Variants in ATOSA observed in about 807,000 individuals in gnomAD.
The protein encoded by ATOSA is atos homolog A.
chr15:52,619,471 C>A, the ATOSA span, among the ~76,000 whole-genome samples: 1 of 151,244 alleles, frequency 6.6e-6, no homozygotes, highest in South Asian at 2.1e-4. Flanking sequence ...TCTACTTTTA[C>A]AAGAAAAAAA....
At chr15:52,598,878 G>A in the ATOSA span, among the ~76,000 whole-genome samples, 62 of 152,078 alleles carry the variant, frequency 4.1e-4, no homozygotes, top group Middle Eastern at 3.2e-3. Flanking sequence ...TGCAACAGTA[G>A]GTTCTTACGA....
At chr15:52,652,733 T>C in the ATOSA span, among the ~76,000 whole-genome samples, 2 of 152,236 alleles carry the variant, frequency 1.3e-5, no homozygotes, top group Non-Finnish European at 2.9e-5. Flanking sequence ...GTATTTGTGG[T>C]AAAATGTCTC....
chr15:52,640,530 C>T, the ATOSA span, among the ~76,000 whole-genome samples: 1 of 128,256 alleles, frequency 7.8e-6, no homozygotes, highest in Non-Finnish European at 1.5e-5. Context: ...GAGATCTTGC[C>T]ACTGAACTCC....
At chr15:52,632,677 AT>A in the ATOSA span, among the ~76,000 whole-genome samples, 5 of 152,248 alleles carry the variant, frequency 3.3e-5, no homozygotes, top group Non-Finnish European at 5.9e-5. Flanking sequence ...TGACAAGTAT[AT>A]TTTAAAAATG....
At chr15:52,636,448 C>A in the ATOSA span, among the ~76,000 whole-genome samples, 2 of 151,994 alleles carry the variant, frequency 1.3e-5, no homozygotes, top group African/African-American at 4.8e-5. Flanking sequence ...TAATTAAGAT[C>A]AAATGGGGTT....
chr15:52,615,930 C>T, the ATOSA span, among the ~76,000 whole-genome samples: 1 of 152,114 alleles, frequency 6.6e-6, no homozygotes, highest in African/African-American at 2.4e-5. Flanking sequence ...AAGTAATTTG[C>T]CCAAGATCAT....
chr15:52,615,414 A>T, the ATOSA span, among the ~76,000 whole-genome samples: 1 of 152,222 alleles, frequency 6.6e-6, no homozygotes, highest in Non-Finnish European at 1.5e-5. Context: ...CGGCCAATCA[A>T]GCAACAAATA....
chr15:52,675,433 CAACT>C, the ATOSA span, among the ~76,000 whole-genome samples: 1 of 152,142 alleles, frequency 6.6e-6, no homozygotes, highest in Non-Finnish European at 1.5e-5. Context: ...GTTAGCCAAC[CAACT>C]ACCACACCCA....
chr15:52,622,837 G>A, the ATOSA span, among the ~76,000 whole-genome samples: 1 of 151,940 alleles, frequency 6.6e-6, no homozygotes, highest in Non-Finnish European at 1.5e-5. Context: ...AGAGATGGAC[G>A]TTTAGTCAGG....
At chr15:52,673,447 G>A in the ATOSA span, among the ~76,000 whole-genome samples, 1 of 152,348 alleles carries the variant, frequency 6.6e-6, no homozygotes, top group Admixed American at 6.5e-5. Context: ...CCTTGGGTAA[G>A]TTACCAAACT....
the ATOSA span, among the ~76,000 whole-genome samples, chr15:52,630,919 T>C: frequency 6.6e-6 from 1 of 152,156 alleles, no homozygotes; most frequent in Non-Finnish European, 1.5e-5. Context: ...CATAAAAGTT[T>C]AAAAAACAAG....
the ATOSA span, among the ~76,000 whole-genome samples, chr15:52,681,750 A>C: frequency 6.6e-5 from 10 of 151,860 alleles, no homozygotes; most frequent in Non-Finnish European, 1.5e-4. Context: ...ACTTCAAAAA[A>C]AAGTTAACTC....
chr15:52,655,292 A>G, the ATOSA span, among the ~76,000 whole-genome samples: 1 of 152,166 alleles, frequency 6.6e-6, no homozygotes, highest in Non-Finnish European at 1.5e-5. Flanking sequence ...TTCAATAACC[A>G]CAACGACAGC....
the ATOSA span, among the ~76,000 whole-genome samples, chr15:52,617,776 T>A: frequency 8.2e-4 from 58 of 70,434 alleles, no homozygotes; most frequent in African/African-American, 2.9e-3. Flanking sequence ...ATTAATAATT[T>A]ATTATATACA....
At chr15:52,601,529 GAAAAAAA>G in the ATOSA span, among the ~76,000 whole-genome samples, 6 of 112,906 alleles carry the variant, frequency 5.3e-5, no homozygotes, top group East Asian at 1.3e-3. Flanking sequence ...ACTTAAAAAG[GAAAAAAA>G]AAAAAAAAAG....
At chr15:52,620,877 C>T in the ATOSA span, among the ~76,000 whole-genome samples, 6 of 152,196 alleles carry the variant, frequency 3.9e-5, no homozygotes, top group East Asian at 1.9e-4. Flanking sequence ...GTTGAGGCTG[C>T]GGTGAGCTGG....
chr15:52,615,066 G>A, the ATOSA span, among the ~76,000 whole-genome samples: 2 of 151,936 alleles, frequency 1.3e-5, no homozygotes, highest in East Asian at 1.9e-4. Flanking sequence ...CACTAATTCC[G>A]TGACATGAAA....
At chr15:52,628,836 A>G in the ATOSA span, among the ~76,000 whole-genome samples, 1 of 152,214 alleles carries the variant, frequency 6.6e-6, no homozygotes, top group South Asian at 2.1e-4. Flanking sequence ...ACAATTGATG[A>G]CTTCATTAAA....
At chr15:52,623,428 G>A in the ATOSA span, among the ~76,000 whole-genome samples, 1 of 151,950 alleles carries the variant, frequency 6.6e-6, no homozygotes. Flanking sequence ...TTTGGGGATC[G>A]CACGCATTTG....
Sources: allele counts gnomAD v4.1 joint callset (sites outside exome capture counted in the v4.1 genomes callset), GRCh38; gene constraint gnomAD v4.1.1; transcripts MANE v1.5; gene names NCBI Gene and HGNC (gene_info 2026-07-23, HGNC 2026-07-21).